PPWD1: variants seen among roughly 807,000 people sequenced by gnomAD.
PPWD1 encodes the protein peptidylprolyl isomerase domain and WD repeat containing 1.
A neutral mutation model predicts 68.8 loss-of-function variants in PPWD1; 43 were observed. The ratio of observed to expected loss-of-function variants is 0.62; its 90% CI spans 0.49 to 0.81. PPWD1 has a LOEUF of 0.81. Among genes scored for constraint, PPWD1 ranks in the 30% least tolerant of loss-of-function variants. PPWD1 has a pLI of 0.00. For missense variants in PPWD1, 672 were observed against 804.8 expected, an observed-to-expected ratio of 0.83 and a Z score of 2.00; for synonymous variants, 232 against 258.7, an observed-to-expected ratio of 0.90 and a Z score of 0.99.
intron 5 of PPWD1, chr5:65,576,419 CA>C (rs1753282844): frequency 1.1e-6 from 1 of 877,572 alleles, no homozygotes; most frequent in African/African-American, 1.8e-5. Flanking sequence ...CTCTGTCCCC[CA>C]GGCCAGAGTG....
At chr5:65,573,278 C>T (rs1561725366) in intron 5 of PPWD1, among the ~76,000 whole-genome samples, 1 of 150,720 alleles carries the variant, frequency 6.6e-6, no homozygotes. Context: ...CTGTCTTGCA[C>T]AGTTTTTTTA....
Position 65,563,374 on chromosome 5 carries a change from C to A in PPWD1, c.64C>A (p.Pro22Thr). ...RRRRRRDPEE[P>T]EKTELSEREL... ...TAGAAGGCGCCGGGACCCGGAGGAA[C>A]CGGAAAAAACAGAACTCAGCGAAAG... Residue 22 changes from proline to threonine, a missense_variant, in exon 1 of 11, where the codon CCG becomes ACG. Around this residue, in one of 2 missense-constraint regions of PPWD1, gnomAD observed 188 missense variants for 158.6 expected, o/e 1.19. Transcript: ENST00000261308. The A allele has an allele frequency of 2.5e-6, 4 of 1,614,036 alleles. No homozygotes were observed. The highest frequency in any genetic ancestry group is 3.4e-6 in the Non-Finnish European group (4 of 1,180,008).
At position 65,579,749 on chromosome 5, in the gene PPWD1, A is replaced by G. The variant is rs747906052; in HGVS notation, c.1350+136A>G. On this transcript the variant is annotated intron_variant, in intron 7 of 10. Coordinates refer to ENST00000261308, the MANE Select transcript of PPWD1 (RefSeq NM_015342.4). ...CTAAACAACCAGAATACCATCTTACATTAATATTGTAGAATTTTAAAGTAG... is the reference window on the plus strand; with the variant it reads ...CTAAACAACCAGAATACCATCTTACGTTAATATTGTAGAATTTTAAAGTAG... 109 of 525,034 alleles carry G rather than the reference A, an allele frequency of 2.1e-4. 1 individual carries two copies. Among genetic ancestry groups the G allele is most frequent in the Middle Eastern group, 5.4e-4 (1 of 1,840 alleles). 32.5% of individuals were successfully genotyped at this position (525,034 alleles called of 1,614,324 possible).
intron 10 of PPWD1, 121 bp downstream of exon 10, chr5:65,586,302 T>C (rs1455394513): frequency 2.6e-5 from 25 of 971,216 alleles, no homozygotes; most frequent in Non-Finnish European, 3.3e-5. Context: ...TCTAGCAGAA[T>C]ACAAATATGA....
rs1753898134 is a variant in PPWD1, at chr5:65,587,458, T to A, written c.*62T>A. On this transcript the variant is annotated 3_prime_UTR_variant, in exon 11 of 11. Coordinates refer to ENST00000261308, the MANE Select transcript of PPWD1 (RefSeq NM_015342.4). ...ACAATATTAAACAGATTATTTTACA[T>A]TAGGAAGCTTAGGACTTGCTGAATA... 7 of 1,282,684 alleles carry A rather than the reference T, an allele frequency of 5.5e-6. No homozygotes were observed. The highest frequency in any genetic ancestry group is 4.2e-6 in the Non-Finnish European group (4 of 943,952). The allele number at this position is 1,282,684 out of a possible 1,614,324, so 79.5% of individuals were successfully genotyped here.
intron 1 of PPWD1, among the ~76,000 whole-genome samples, chr5:65,564,967 A>G (rs1448803669): frequency 6.6e-6 from 1 of 152,190 alleles, no homozygotes; most frequent in Non-Finnish European, 1.5e-5. Context: ...TGAGGTAGTT[A>G]TATATCAATA....
intron 4 of PPWD1, 44 bp from the exon 5 acceptor site, chr5:65,571,795 T>G: frequency 6.3e-7 from 1 of 1,584,296 alleles, no homozygotes; most frequent in African/African-American, 1.4e-5. Flanking sequence ...GCTTGCTTGT[T>G]GTGCTGACCT....
chr5:65,578,681 CTTA>C (rs924461798), intron 6 of PPWD1, among the ~76,000 whole-genome samples: 7 of 147,834 alleles, frequency 4.7e-5, no homozygotes, highest in African/African-American at 1.2e-4. Context: ...GGGTTGTGTT[CTTA>C]TTGTTGTGTT....
At chr5:65,577,130 T>C in intron 6 of PPWD1, 61 bp downstream of exon 6, 16 of 1,543,296 alleles carry the variant, frequency 1.0e-5, no homozygotes, top group Non-Finnish European at 1.4e-5. Flanking sequence ...ATTTCCTCCA[T>C]CATGGGAACA....
intron 2 of PPWD1, chr5:65,568,870 GC>G (rs1265458889): frequency 4.4e-6 from 2 of 454,774 alleles, no homozygotes; most frequent in Non-Finnish European, 8.8e-6. Flanking sequence ...TATTAGCATT[GC>G]TGTCACTCTC....
chr5:65,570,874 A>G (rs1347039196), intron 4 of PPWD1, among the ~76,000 whole-genome samples: 1 of 152,158 alleles, frequency 6.6e-6, no homozygotes, highest in Non-Finnish European at 1.5e-5. Context: ...CCATGTCTCT[A>G]GAAATTCCAA....
intron 7 of PPWD1, among the ~76,000 whole-genome samples, chr5:65,582,046 G>T (rs1753620469): frequency 6.6e-6 from 1 of 152,058 alleles, no homozygotes; most frequent in African/African-American, 2.4e-5. Flanking sequence ...CAACAGACAT[G>T]CCATTCCTTT....
intron 9 of PPWD1, 126 bp from the exon 10 acceptor site, chr5:65,585,873 A>T: frequency 1.4e-6 from 2 of 1,409,902 alleles, no homozygotes. Flanking sequence ...TAAGGGTTTA[A>T]TCAAATCACT....
intron 9 of PPWD1, among the ~76,000 whole-genome samples, chr5:65,585,349 T>TA (rs1443694299): frequency 6.6e-6 from 1 of 152,166 alleles, no homozygotes; most frequent in Non-Finnish European, 1.5e-5. Flanking sequence ...AGATAATGAA[T>TA]AAAGGGTCAT....
chr5:65,566,795 C>G (rs1360692645), intron 1 of PPWD1, among the ~76,000 whole-genome samples: 1 of 149,546 alleles, frequency 6.7e-6, no homozygotes, highest in African/African-American at 2.5e-5. Flanking sequence ...TACTTCCCTC[C>G]CTCATTCTCT....
intron 7 of PPWD1, among the ~76,000 whole-genome samples, chr5:65,582,065 G>A (rs1026548147): frequency 9.9e-5 from 15 of 152,010 alleles, no homozygotes; most frequent in African/African-American, 3.4e-4. Flanking sequence ...TTGAAAACTG[G>A]AGAATAGGAT....
chr5:65,576,833 G>C (rs1333893512), intron 5 of PPWD1, 46 bp from the exon 6 acceptor site: 79 of 1,579,114 alleles, frequency 5.0e-5, no homozygotes, highest in Non-Finnish European at 6.6e-5. Context: ...TATAGATATA[G>C]GTATATGTAT....
intron 5 of PPWD1, chr5:65,576,538 G>A (rs970979392): frequency 2.9e-5 from 7 of 242,588 alleles, no homozygotes; most frequent in African/African-American, 9.3e-5. Flanking sequence ...CACCATGCCC[G>A]GCTAAGTTTT....
At chr5:65,585,316 G>A (rs1753788771) in intron 9 of PPWD1, among the ~76,000 whole-genome samples, 1 of 152,126 alleles carries the variant, frequency 6.6e-6, no homozygotes, top group Non-Finnish European at 1.5e-5. Flanking sequence ...GCAATATTTT[G>A]TCAGCAGCTA....
Sources: allele counts gnomAD v4.1 joint callset (sites outside exome capture counted in the v4.1 genomes callset), GRCh38; gene constraint gnomAD v4.1.1; regional missense constraint gnomAD v4.1.1; transcripts MANE v1.5; gene names NCBI Gene and HGNC (gene_info 2026-07-23, HGNC 2026-07-21).